Variants in BMPR2 observed in about 807,000 individuals in gnomAD.
BMPR2 encodes the protein bone morphogenetic protein receptor type 2, also known as bone morphogenetic protein receptor type-2.
In BMPR2, 29 loss-of-function variants were observed where a neutral mutation model predicts 100.8. The observed-to-expected ratio is 0.29, with a 90% CI of 0.21 to 0.39. The LOEUF (loss-of-function observed/expected upper bound fraction) is 0.39. Ranked by LOEUF, BMPR2 falls within the 10% of genes least tolerant of loss-of-function variation. BMPR2 has a pLI of 1.00. For missense variants in BMPR2, 1,011 were observed against 1,274.5 expected (o/e 0.79, Z 3.15); for synonymous variants, 382 against 442.3 (o/e 0.86, Z 1.71).
chr2:202,484,122 T>C (rs1429943527), intron 3 of BMPR2, among the ~76,000 whole-genome samples: 1 of 152,194 alleles, frequency 6.6e-6, no homozygotes, highest in Non-Finnish European at 1.5e-5. Context: ...TGAAGTAAGA[T>C]TTCTATACAT....
At position 202,536,088 on chromosome 2, in the gene BMPR2, GGGGAGA is replaced by G. The variant is rs71876322; in HGVS notation, c.1276+3374_1276+3379del. ...GGAAAGAGAGGGAGAGGGAGACCGT[GGGGAGA>G]GGGAGAGGGAGAGGGAGCTAAATAA... is the stretch of plus-strand genomic sequence containing the variant. On this transcript the variant is annotated intron_variant, in intron 9 of 12. Transcript: ENST00000374580. Among the ~76,000 whole-genome samples the G allele has an allele frequency of 7.6e-3, 1,162 of 152,088 alleles. 19 individuals carry two copies. Among genetic ancestry groups the G allele is most frequent in the African/African-American group, 0.026 (1,058 of 41,452 alleles).
intron 1 of BMPR2, among the ~76,000 whole-genome samples, chr2:202,395,316 C>T (rs985535142): frequency 1.1e-4 from 16 of 152,074 alleles, no homozygotes; most frequent in Non-Finnish European, 1.5e-4. Context: ...TAGGACAAGT[C>T]GATTAATATC....
At position 202,520,302 on chromosome 2, in the gene BMPR2, T is replaced by G. The variant is rs1687798698; in HGVS notation, c.967+101T>G. ...AAAGTAAAAGTATAATTTATATTAT[T>G]GGAGATTTATTATTAGTCAGTTGTT... On this transcript the variant is annotated intron_variant, in intron 7 of 12. Transcript: ENST00000374580. The G allele has an allele frequency of 3.6e-6, 3 of 824,774 alleles. No homozygotes were observed. The Admixed American group carries it at 6.2e-5, about 17-fold the overall frequency. The allele number at this position is 824,774 out of a possible 1,614,324, so 51.1% of individuals were successfully genotyped here. A position where few individuals can be genotyped will look rare whatever the true frequency, so the allele number is the denominator to read the frequency against.
At chr2:202,388,959 G>A (rs1311153948) in intron 1 of BMPR2, among the ~76,000 whole-genome samples, 1 of 152,160 alleles carries the variant, frequency 6.6e-6, no homozygotes, top group African/African-American at 2.4e-5. Flanking sequence ...AGTGTGGGCT[G>A]GGTGCAGTGG....
intron 1 of BMPR2, among the ~76,000 whole-genome samples, chr2:202,464,401 A>T (rs1692279193): frequency 6.6e-6 from 1 of 152,172 alleles, no homozygotes; most frequent in African/African-American, 2.4e-5. Context: ...TGTATAACTG[A>T]CTATAAAATA....
chr2:202,495,301 G>A lies in BMPR2; in HGVS notation c.419-18418G>A, dbSNP rs1692999586. On this transcript the variant is annotated intron_variant, in intron 3 of 12. Transcript: ENST00000374580. The surrounding 1 kb of genome is among the most constrained non-coding windows in gnomAD (Gnocchi z 4.5). ...CTCAGCAGATGGGGGAACCAGAAGGGAGATGGTTTTCTCCTGGAGTTGGGC... is the reference window on the plus strand; with the variant it reads ...CTCAGCAGATGGGGGAACCAGAAGGAAGATGGTTTTCTCCTGGAGTTGGGC... 6.6e-6 allele frequency among the ~76,000 whole-genome samples: 1 copy of A among 152,184 alleles called. No individual in the cohort carries two copies. Among genetic ancestry groups the A allele is most frequent in the Non-Finnish European group, 1.5e-5 (1 of 68,042 alleles).
rs919968445 is a variant in BMPR2, at chr2:202,495,923, T to G, written c.419-17796T>G. Among the ~76,000 whole-genome samples the G allele has an allele frequency of 6.6e-6, 1 of 152,232 alleles. No individual in the cohort carries two copies. The highest frequency in any genetic ancestry group is 2.4e-5 in the African/African-American group (1 of 41,472). On this transcript the variant is annotated intron_variant, in intron 3 of 12. Transcript: ENST00000374580. This position sits in a 1 kb window ranked among gnomAD's most constrained non-coding sequence, Gnocchi z 4.5. ...TGAGAAGACTCATTATACAGAGTTT[T>G]GGAAGTAGGAGGACCTTAAAAGTCA...
At chr2:202,445,219 T>C (rs1396083264) in intron 1 of BMPR2, among the ~76,000 whole-genome samples, 1 of 150,282 alleles carries the variant, frequency 6.7e-6, no homozygotes, top group Non-Finnish European at 1.5e-5. Context: ...TATTTATTTA[T>C]TTATATTTGT....
In BMPR2 at chr2:202,457,598, A is replaced by T. The variant is rs567797796; in HGVS notation, c.77-7211A>T. 9.3e-4 allele frequency among the ~76,000 whole-genome samples: 140 copies of T among 150,214 alleles called. 1 individual carries two copies. In the Middle Eastern group the frequency reaches 0.01, roughly 11 times the overall value. ...GAGAGAGAGAGAGAGAGAGAGTATTATAGATAAGCCATTAAAATCTTTGGA... is the reference window on the plus strand; with the variant it reads ...GAGAGAGAGAGAGAGAGAGAGTATTTTAGATAAGCCATTAAAATCTTTGGA... On this transcript the variant is annotated intron_variant, in intron 1 of 12. Transcript: ENST00000374580.
chr2:202,505,606 A>G (rs924710087), intron 3 of BMPR2, among the ~76,000 whole-genome samples: 12 of 152,130 alleles, frequency 7.9e-5, no homozygotes, highest in Non-Finnish European at 1.3e-4. Context: ...TTTATGAGCC[A>G]TGGTATAGAG....
rs1363182359 is a variant in BMPR2, at chr2:202,560,171, C to CTTA, written c.*226_*227insTAT. ...AGTTTTGCACTTTTGTTTAGTCTCG[C>CTTA]TAAAGTTATATTTGTCTGTTATGAC... On this transcript the variant is annotated 3_prime_UTR_variant, in exon 13 of 13. Transcript: ENST00000374580. 1 of 554,684 alleles carries CTTA rather than the reference C, an allele frequency of 1.8e-6. No homozygotes were observed. Among genetic ancestry groups the CTTA allele is most frequent in the East Asian group, 3.2e-5 (1 of 30,844 alleles). The allele number at this position is 554,684 out of a possible 1,614,324, so 34.4% of individuals were successfully genotyped here. A position where few individuals can be genotyped will look rare whatever the true frequency, so the allele number is the denominator to read the frequency against.
chr2:202,392,853 G>T (rs558448505), intron 1 of BMPR2, among the ~76,000 whole-genome samples: 69 of 152,168 alleles, frequency 4.5e-4, no homozygotes, highest in African/African-American at 1.3e-3. Flanking sequence ...TTAGCCGGGC[G>T]TGGTGGCACA....
intron 1 of BMPR2, among the ~76,000 whole-genome samples, chr2:202,393,150 C>T (rs1269042871): frequency 6.6e-6 from 1 of 152,108 alleles, no homozygotes. Flanking sequence ...AAATACATAG[C>T]ATAAACTGGA....
intron 3 of BMPR2, among the ~76,000 whole-genome samples, chr2:202,502,423 G>A (rs573764173): frequency 6.6e-6 from 1 of 152,026 alleles, no homozygotes; most frequent in South Asian, 2.1e-4. Context: ...AACAGACACA[G>A]AAAGAGAGTT....
At chr2:202,459,415 G>T (rs1432212516) in intron 1 of BMPR2, among the ~76,000 whole-genome samples, 1 of 152,138 alleles carries the variant, frequency 6.6e-6, no homozygotes, top group African/African-American at 2.4e-5. Context: ...GGGGTTTGTT[G>T]TACAGATTGT....
chr2:202,488,891 C>G (rs1692838679), intron 3 of BMPR2, among the ~76,000 whole-genome samples: 1 of 152,156 alleles, frequency 6.6e-6, no homozygotes, highest in Non-Finnish European at 1.5e-5. Flanking sequence ...ACTCACCAAT[C>G]TCCCCTGCTC....
At position 202,527,938 on chromosome 2, in the gene BMPR2, C is replaced by A. The variant is rs546725751; in HGVS notation, c.968-2856C>A. ...GTAGTTCATCCCTGTAATCCCAGCA[C>A]TTTAGGAGGCTGAGGCAGGAGAATC... On this transcript the variant is annotated intron_variant, in intron 7 of 12. Coordinates refer to ENST00000374580, the MANE Select transcript of BMPR2 (RefSeq NM_001204.7). Among the ~76,000 whole-genome samples the A allele has an allele frequency of 2.2e-4, 33 of 152,170 alleles. 1 individual carries two copies. In the South Asian group the frequency reaches 6.6e-3, roughly 31 times the overall value.
chr2:202,411,531 GC>G (rs1366093028), intron 1 of BMPR2, among the ~76,000 whole-genome samples: 1 of 152,130 alleles, frequency 6.6e-6, no homozygotes, highest in Non-Finnish European at 1.5e-5. Flanking sequence ...GCTGTGAATG[GC>G]CTGTTTGTTG....
At chr2:202,558,916 G>T (rs1157337763) in intron 12 of BMPR2, among the ~76,000 whole-genome samples, 2 of 146,804 alleles carry the variant, frequency 1.4e-5, no homozygotes, top group African/African-American at 2.5e-5. Context: ...AAAAAATCTT[G>T]TCAGATATAG....
Sources: allele counts gnomAD v4.1 joint callset (sites outside exome capture counted in the v4.1 genomes callset), GRCh38; gene constraint gnomAD v4.1.1; non-coding constraint Gnocchi (gnomAD v3.1); transcripts MANE v1.5; gene names NCBI Gene and HGNC (gene_info 2026-07-23, HGNC 2026-07-21).